The following ARSK variants were observed in gnomAD, a reference collection of about 807,000 sequenced individuals.
ARSK encodes arylsulfatase family member K, also known as arylsulfatase K.
In ARSK, 37 loss-of-function variants were observed where a neutral mutation model predicts 53.2. The ratio of observed to expected loss-of-function variants is 0.70; its 90% CI spans 0.54 to 0.92. The LOEUF (loss-of-function observed/expected upper bound fraction) is 0.92. ARSK is among the 40% of genes least tolerant of loss of function. The pLI is 0.00. For missense variants in ARSK, 613 were observed against 643.0 expected (o/e 0.95, Z 0.51); for synonymous variants, 208 against 223.2 (o/e 0.93, Z 0.61).
At chr5:95,595,086 T>C (rs767635234) in intron 6 of ARSK, among the ~76,000 whole-genome samples, 2 of 152,144 alleles carry the variant, frequency 1.3e-5, no homozygotes, top group Non-Finnish European at 2.9e-5. Context: ...GTAGTAATGA[T>C]TGGATTAAAA....
intron 6 of ARSK, among the ~76,000 whole-genome samples, chr5:95,597,739 C>G (rs1479844845): frequency 1.3e-5 from 2 of 151,938 alleles, no homozygotes; most frequent in Admixed American, 1.3e-4. Flanking sequence ...ACTAAAAATA[C>G]AAAAATCAGC....
chr5:95,581,882 A>T (rs1470402974), intron 3 of ARSK, among the ~76,000 whole-genome samples: 1 of 151,928 alleles, frequency 6.6e-6, no homozygotes, highest in Non-Finnish European at 1.5e-5. Flanking sequence ...TGGTTTTTTT[A>T]TTTTTATCAA....
chr5:95,597,288 T>C (rs1749325470), intron 6 of ARSK, among the ~76,000 whole-genome samples: 1 of 152,220 alleles, frequency 6.6e-6, no homozygotes, highest in African/African-American at 2.4e-5. Flanking sequence ...AATGTAATTA[T>C]ACAAAAATGC....
rs1272846477 is a variant in ARSK, at chr5:95,582,412, A to T, written c.417-504A>T. ...TTAGATAGCTCAGATTATAGTTAAA[A>T]TTGTTCTTTTAATAAAGAAAAGATA... is the stretch of plus-strand genomic sequence containing the variant. On this transcript the variant is annotated intron_variant, in intron 3 of 7. Transcript: ENST00000380009. Among the ~76,000 whole-genome samples the T allele has an allele frequency of 2.0e-5, 3 of 152,250 alleles. No individual in the cohort carries two copies. The East Asian group carries it at 5.8e-4, about 29-fold the overall frequency.
At chr5:95,575,429 A>G (rs1748909731) in intron 3 of ARSK, among the ~76,000 whole-genome samples, 1 of 152,112 alleles carries the variant, frequency 6.6e-6, no homozygotes, top group Non-Finnish European at 1.5e-5. Flanking sequence ...TGGTATTTTG[A>G]TATGGATTGC....
rs1166659358 is a variant in ARSK, at chr5:95,591,645, A to T, written c.1096+20A>T. 2.5e-6 allele frequency: 4 copies of T among 1,607,206 alleles called. No homozygotes were observed. The Admixed American group carries it at 5.0e-5, about 20-fold the overall frequency. On this transcript the variant is annotated intron_variant, in intron 6 of 7. Coordinates refer to ENST00000380009, the MANE Select transcript of ARSK (RefSeq NM_198150.3). ...TGCTTGGTAAGTAATGTAGTTCTGT[A>T]AATATTTATTTGTAATAATGCTGGA...
chr5:95,556,601 C>T (rs1748519470), intron 1 of ARSK: 2 of 200,088 alleles, frequency 1.0e-5, no homozygotes, highest in African/African-American at 4.6e-5. Context: ...AAAAGGGAAT[C>T]CGAATGTGGA....
intron 3 of ARSK, among the ~76,000 whole-genome samples, chr5:95,579,330 G>T (rs1748982240): frequency 6.6e-6 from 1 of 152,166 alleles, no homozygotes; most frequent in Admixed American, 6.5e-5. Context: ...AGGTTTAATG[G>T]ACTCACAGTT....
chr5:95,557,039 A>C (rs540320160), intron 1 of ARSK: 4 of 151,892 alleles, frequency 2.6e-5, no homozygotes, highest in Non-Finnish European at 5.9e-5. Flanking sequence ...AAATAAAAAA[A>C]TTTTTAAAAA....
rs1405600522 is a variant in ARSK, at chr5:95,555,356, G to A, written c.78G>A (p.Arg26=). Residue 26 remains arginine, a synonymous_variant, in exon 1 of 8, where the codon CGG becomes CGA. Coordinates refer to ENST00000380009, the MANE Select transcript of ARSK (RefSeq NM_198150.3). This position sits in a 1 kb window ranked among gnomAD's most constrained non-coding sequence, Gnocchi z 4.0. ...VLAPGAGEQR[R]RAAKAPNVVL... Reference sequence around the variant, plus strand: ...CCCCCGGAGCAGGGGAGCAGAGGCGGAGAGCAGCCAAAGCGCCCAATGTGG... The same window carrying A: ...CCCCCGGAGCAGGGGAGCAGAGGCGAAGAGCAGCCAAAGCGCCCAATGTGG... 3.7e-6 allele frequency: 6 copies of A among 1,610,404 alleles called. No individual in the cohort carries two copies. The highest frequency in any genetic ancestry group is 5.1e-6 in the Non-Finnish European group (6 of 1,179,410).
rs748687507 is a variant in ARSK at position 95,603,333 on chromosome 5, A to T, written c.1418A>T (p.Tyr473Phe). 14 of 1,612,242 alleles carry T rather than the reference A, an allele frequency of 8.7e-6. No individual in the cohort carries two copies. In the South Asian group the frequency reaches 1.5e-4, roughly 18 times the overall value. Residue 473 changes from tyrosine to phenylalanine, a missense_variant, in exon 8 of 8, where the codon TAC becomes TTC. Coordinates refer to ENST00000380009, the MANE Select transcript of ARSK (RefSeq NM_198150.3). Reference protein sequence around the residue: ...LDQKLHSIINYPKVSASVHQY... With the variant: ...LDQKLHSIINFPKVSASVHQY... ...CAGAAGCTTCATTCCATTATAAACTACCCTAAAGTTTCTGCTTCTGTCCAC... is the reference window on the plus strand; with the variant it reads ...CAGAAGCTTCATTCCATTATAAACTTCCCTAAAGTTTCTGCTTCTGTCCAC...
Position 95,564,615 on chromosome 5 carries a change from CT to C in ARSK, c.127-1381del, listed in dbSNP as rs1458398119. Among the ~76,000 whole-genome samples, 10 of 152,238 alleles carry C rather than the reference CT, an allele frequency of 6.6e-5. No homozygotes were observed. In the East Asian group the frequency reaches 1.9e-3, roughly 29 times the overall value. On this transcript the variant is annotated intron_variant, in intron 1 of 7. Transcript: ENST00000380009. Reference sequence around the variant, plus strand: ...ATCTTTACCACGCATCGAAAGTGCTCTTGTCAGGGTCACCAGCTGTCTCCAT... The same window carrying C: ...ATCTTTACCACGCATCGAAAGTGCTCTGTCAGGGTCACCAGCTGTCTCCAT...
chr5:95,568,538 GT>G (rs1221543734), intron 3 of ARSK, among the ~76,000 whole-genome samples: 1 of 152,028 alleles, frequency 6.6e-6, no homozygotes. Flanking sequence ...TATAGTTTCT[GT>G]TTACTACTAG....
Position 95,603,358 on chromosome 5 carries a change from C to G in ARSK, c.1443C>G (p.His481Gln), listed in dbSNP as rs1277400717. ...ACCCTAAAGTTTCTGCTTCTGTCCA[C>G]CAGTATAATAAAGAGCAGTTTATCA... Reference protein sequence around the residue: ...INYPKVSASVHQYNKEQFIKW... With the variant: ...INYPKVSASVQQYNKEQFIKW... Residue 481 changes from histidine to glutamine, a missense_variant, in exon 8 of 8, where the codon CAC (histidine) becomes CAG (glutamine). By Grantham distance (24) the His-to-Gln change is conservative (BLOSUM62 0). Transcript: ENST00000380009. 2 of 1,613,042 alleles carry G rather than the reference C, an allele frequency of 1.2e-6. No individual in the cohort carries two copies. Among genetic ancestry groups the G allele is most frequent in the Non-Finnish European group, 1.7e-6 (2 of 1,179,520 alleles).
In ARSK at chr5:95,586,661, T is replaced by C. The variant is rs1749117605; in HGVS notation, c.799T>C (p.Phe267Leu). 1 of 1,611,680 alleles carries C rather than the reference T, an allele frequency of 6.2e-7. No individual in the cohort carries two copies. The highest frequency in any genetic ancestry group is 8.5e-7 in the Non-Finnish European group (1 of 1,178,532). The part of the protein sequence containing the change: ...SSYTKNCTGR[F>L]TKKEIKNIRA... ...TTATACAAAAAACTGCACTGGAAGA[T>C]TTACAAAAAAAGAAATTAAGAATAT... is the stretch of plus-strand genomic sequence containing the variant. Residue 267 changes from phenylalanine (F) to leucine (L), a missense_variant, in exon 5 of 8, where the codon TTT becomes CTT. By Grantham distance (22) the Phe-to-Leu change is conservative. Coordinates refer to ENST00000380009, the MANE Select transcript of ARSK (RefSeq NM_198150.3).
At chr5:95,580,869 TA>T in intron 3 of ARSK, 1 of 1,274,546 alleles carries the variant, frequency 7.8e-7, no homozygotes, top group South Asian at 1.2e-5. Context: ...TGCAAAGAAA[TA>T]AATTGTTATT....
chr5:95,557,702 T>G (rs559268446), intron 1 of ARSK, among the ~76,000 whole-genome samples: 224 of 152,338 alleles, frequency 1.5e-3, no homozygotes, highest in African/African-American at 5.3e-3. Flanking sequence ...TTTCTAAAAC[T>G]CTGCAGGCTA....
At position 95,555,599 on chromosome 5, in the gene ARSK, A is replaced by G. The variant is rs541776841; in HGVS notation, c.126+195A>G. On this transcript the variant is annotated intron_variant, in intron 1 of 7. Transcript: ENST00000380009. This position sits in a 1 kb window ranked among gnomAD's most constrained non-coding sequence, Gnocchi z 4.0. The stretch of plus-strand genomic sequence containing the variant: ...ACACCACATACCTATGCAAACATGT[A>G]AAACAATAGTGAAACACTGAAAACA... Among the ~76,000 whole-genome samples the G allele has an allele frequency of 1.0e-4, 16 of 152,382 alleles. No homozygotes were observed. The South Asian group carries it at 2.9e-3, about 28-fold the overall frequency.
intron 6 of ARSK, among the ~76,000 whole-genome samples, chr5:95,597,633 C>T: frequency 6.6e-6 from 1 of 152,202 alleles, no homozygotes; most frequent in Non-Finnish European, 1.5e-5. Flanking sequence ...GTGGCTCACG[C>T]CTGTAATCCC....
Sources: gnomAD v4.1 joint callset for allele counts (sites outside exome capture counted in the v4.1 genomes callset) on GRCh38, gnomAD v4.1.1 for gene constraint, Gnocchi (gnomAD v3.1) non-coding constraint, MANE v1.5 for transcripts, NCBI Gene and HGNC (gene_info 2026-07-23, HGNC 2026-07-21) for gene names.